TRIM21: variants seen among roughly 807,000 people sequenced by gnomAD.
TRIM21 encodes the protein tripartite motif containing 21.
Under a neutral mutation model 36.1 loss-of-function variants are expected in TRIM21, and 35 were observed. That is an observed-to-expected ratio of 0.97 (90% CI 0.74 to 1.28). TRIM21 has a LOEUF of 1.28. TRIM21 is among the 50% of genes most tolerant of loss of function. TRIM21 has a pLI of 0.00. For missense variants in TRIM21, 635 were observed against 570.7 expected (o/e 1.11, Z -1.15); for synonymous variants, 256 against 211.5 (o/e 1.21, Z -1.83).
At chr11:4,386,302 C>T in intron 5 of TRIM21, 45 bp from the exon 6 acceptor site, 1 of 1,459,978 alleles carries the variant, frequency 6.8e-7, no homozygotes, top group Non-Finnish European at 9.6e-7. Context: ...ACTCCTATCC[C>T]AAACCCTAAC....
rs905622222 is a variant in TRIM21 at position 4,389,725 on chromosome 11, C to T, written c.433G>A (p.Glu145Lys). Residue 145 changes from glutamate to lysine, a missense_variant, in exon 3 of 7, where the codon GAA becomes AAA. Transcript: ENST00000254436. ...GCCAACTCCTGCTTTCTTCTCAGTTCCCCTAATGCCACCTGGAGCTTCTCC... is the reference window on the plus strand; with the variant it reads ...GCCAACTCCTGCTTTCTTCTCAGTTTCCCTAATGCCACCTGGAGCTTCTCC... ...YQEKLQVALG[E>K]LRRKQELAEK... 5.0e-6 allele frequency: 8 copies of T among 1,613,976 alleles called. No homozygotes were observed. Among genetic ancestry groups the T allele is most frequent in the Non-Finnish European group, 6.8e-6 (8 of 1,179,876 alleles).
intron 5 of TRIM21, among the ~76,000 whole-genome samples, chr11:4,386,698 GA>G (rs1470156551): frequency 2.0e-5 from 3 of 152,120 alleles, no homozygotes; most frequent in African/African-American, 7.2e-5. Flanking sequence ...TGAATTCCGG[GA>G]AGACCCAGAA....
chr11:4,385,126 A>G lies in TRIM21; in HGVS notation c.*159T>C. On this transcript the variant is annotated 3_prime_UTR_variant, in exon 7 of 7. Transcript: ENST00000254436. The stretch of plus-strand genomic sequence containing the variant: ...AATCACAAAGCCATCTGGGGCAGGA[A>G]TGTTGATGGTGAAGTGACTTCCCTG... The G allele has an allele frequency of 3.1e-6, 2 of 649,060 alleles. No homozygotes were observed. The highest frequency in any genetic ancestry group is 3.2e-5 in the Admixed American group (1 of 31,520). 40.2% of individuals were successfully genotyped at this position (649,060 alleles called of 1,614,324 possible). A position where few individuals can be genotyped will look rare whatever the true frequency, so the allele number is the denominator to read the frequency against.
intron 4 of TRIM21, among the ~76,000 whole-genome samples, chr11:4,387,545 T>A (rs1289022635): frequency 1.3e-5 from 2 of 152,074 alleles, no homozygotes; most frequent in African/African-American, 2.4e-5. Context: ...CTAGACTCAG[T>A]CAAAAGTGTG....
chr11:4,388,059 A>G (rs1335306089), intron 4 of TRIM21, among the ~76,000 whole-genome samples: 1 of 152,226 alleles, frequency 6.6e-6, no homozygotes, highest in African/African-American at 2.4e-5. Context: ...TGAGGCAAAC[A>G]TATCATTGGT....
chr11:4,385,239 G>C lies in TRIM21; in HGVS notation c.*46C>G. 3.9e-6 allele frequency: 6 copies of C among 1,543,494 alleles called. No individual in the cohort carries two copies. Among genetic ancestry groups the C allele is most frequent in the Non-Finnish European group, 5.3e-6 (6 of 1,139,502 alleles). ...GGGAAAAGAGGCAGGGTTTGTGGCT[G>C]AGAAGCGGTGCCAATGGGGAGAGTG... On this transcript the variant is annotated 3_prime_UTR_variant, in exon 7 of 7. Transcript: ENST00000254436.
chr11:4,390,429 C>G lies in TRIM21; in HGVS notation c.-20G>C, dbSNP rs1200388861. On this transcript the variant is annotated 5_prime_UTR_variant, in exon 2 of 7. Coordinates refer to ENST00000254436, the MANE Select transcript of TRIM21 (RefSeq NM_003141.4). ...AGCCATTGTCAAGTGTGCCGTTAAA[C>G]AGCAGTGTGGAGACCTTTAGGGGGT... 5 of 1,592,428 alleles carry G rather than the reference C, an allele frequency of 3.1e-6. No homozygotes were observed. Among genetic ancestry groups the G allele is most frequent in the Non-Finnish European group, 4.3e-6 (5 of 1,165,400 alleles).
At position 4,385,632 on chromosome 11, in the gene TRIM21, C is replaced by A; in HGVS notation, c.1081G>T (p.Asp361Tyr). Residue 361 changes from aspartate to tyrosine, a missense_variant, in exon 7 of 7, where the codon GAC becomes TAC. Coordinates refer to ENST00000254436, the MANE Select transcript of TRIM21 (RefSeq NM_003141.4). Reference protein sequence around the residue: ...KEAWDLGVCRDSVRRKGHFLL... With the variant: ...KEAWDLGVCRYSVRRKGHFLL... ...AAGTGCCCCTTCCTGCGCACAGAGT[C>A]TCTGCAGACACCCAGGTCCCAGGCC... is the stretch of plus-strand genomic sequence containing the variant. 6.2e-7 allele frequency: 1 copy of A among 1,612,874 alleles called. No homozygotes were observed. Among genetic ancestry groups the A allele is most frequent in the East Asian group, 2.2e-5 (1 of 44,848 alleles).
rs1424485585 is a variant in TRIM21 at position 4,385,125 on chromosome 11, A to G, written c.*160T>C. ...GAATCACAAAGCCATCTGGGGCAGG[A>G]ATGTTGATGGTGAAGTGACTTCCCT... is the stretch of plus-strand genomic sequence containing the variant. On this transcript the variant is annotated 3_prime_UTR_variant, in exon 7 of 7. Transcript: ENST00000254436. 6.2e-6 allele frequency: 4 copies of G among 646,424 alleles called. No individual in the cohort carries two copies. The African/African-American group carries it at 7.3e-5, about 12-fold the overall frequency. 40.0% of individuals were successfully genotyped at this position (646,424 alleles called of 1,614,324 possible). A position where few individuals can be genotyped will look rare whatever the true frequency, so the allele number is the denominator to read the frequency against.
Position 4,390,435 on chromosome 11 carries a change from T to C in TRIM21, c.-26A>G. ...TGTCAAGTGTGCCGTTAAACAGCAG[T>C]GTGGAGACCTTTAGGGGGTTTGGCT... On this transcript the variant is annotated 5_prime_UTR_variant, in exon 2 of 7. Coordinates refer to ENST00000254436, the MANE Select transcript of TRIM21 (RefSeq NM_003141.4). The C allele has an allele frequency of 3.2e-6, 5 of 1,585,882 alleles. No individual in the cohort carries two copies. Among genetic ancestry groups the C allele is most frequent in the Non-Finnish European group, 8.6e-7 (1 of 1,161,632 alleles).
In TRIM21 at chr11:4,385,660, C is replaced by A; in HGVS notation, c.1053G>T (p.Lys351Asn). 1 of 1,613,258 alleles carries A rather than the reference C, an allele frequency of 6.2e-7. No homozygotes were observed. Among genetic ancestry groups the A allele is most frequent in the Non-Finnish European group, 8.5e-7 (1 of 1,179,618 alleles). ...KHYWEVDVTG[K>N]EAWDLGVCRD... The stretch of plus-strand genomic sequence containing the variant: ...TGCAGACACCCAGGTCCCAGGCCTC[C>A]TTTCCTGTCACATCTACCTCCCAGT... The change falls in exon 7 of 7, where the codon AAG (lysine) becomes AAT (asparagine). Residue 351 changes from lysine to asparagine, a missense_variant. By Grantham distance (94) the Lys-to-Asn change is moderately conservative (BLOSUM62 0). Transcript: ENST00000254436.
Position 4,388,293 on chromosome 11 carries a change from G to T in TRIM21, c.735+7C>A, listed in dbSNP as rs752020854. The T allele has an allele frequency of 1.2e-6, 2 of 1,603,882 alleles. No individual in the cohort carries two copies. Among genetic ancestry groups the T allele is most frequent in the East Asian group, 4.5e-5 (2 of 44,632 alleles). On this transcript the variant is annotated splice_region_variant and intron_variant, in intron 4 of 6. Coordinates refer to ENST00000254436, the MANE Select transcript of TRIM21 (RefSeq NM_003141.4). ...GAATTGTAGAAGGAAACCCCTCCCTGTCTCACCTGCAGCAGTTCCAGTGCT... is the reference window on the plus strand; with the variant it reads ...GAATTGTAGAAGGAAACCCCTCCCTTTCTCACCTGCAGCAGTTCCAGTGCT...
At position 4,386,956 on chromosome 11, in the gene TRIM21, ACTC is replaced by A; in HGVS notation, c.758+9_758+11del. 6.3e-7 allele frequency: 1 copy of A among 1,581,526 alleles called. No individual in the cohort carries two copies. The highest frequency in any genetic ancestry group is 8.6e-7 in the Non-Finnish European group (1 of 1,162,354). ...GCTGGCCCCTCTTCTAACAAAGAAA[ACTC>A]CTCCTTACCTTTCCAGGACAATTAT... On this transcript the variant is annotated intron_variant, in intron 5 of 6. Transcript: ENST00000254436.
chr11:4,385,380 AG>A lies in TRIM21; in HGVS notation c.1332del (p.Phe445SerfsTer16). ...SECAFTGPLR[P>X]FFSPGFNDGG... ...CCATCATTGAAACCAGGACTGAAGA[AG>A]GGCCGCAGAGGTCCTGTAAAGGCAC... On this transcript the variant is annotated frameshift_variant, in exon 7 of 7. Transcript: ENST00000254436. LOFTEE classifies it low-confidence loss of function (END_TRUNC). 6.2e-7 allele frequency: 1 copy of A among 1,613,824 alleles called. No individual in the cohort carries two copies. The highest frequency in any genetic ancestry group is 8.5e-7 in the Non-Finnish European group (1 of 1,179,860).
rs755084656 is a variant in TRIM21, at chr11:4,388,414, C to G, written c.621G>C (p.Gln207His). ...LQELEKDERE[Q>H]LRILGEKEAK... ...CCTCTTTCTCCCCCAGGATTCTCAGCTGCTCCCTCTCATCCTTCTCCAGCT... is the reference window on the plus strand; with the variant it reads ...CCTCTTTCTCCCCCAGGATTCTCAGGTGCTCCCTCTCATCCTTCTCCAGCT... Residue 207 changes from glutamine (Q) to histidine (H), a missense_variant, in exon 4 of 7, where the codon CAG becomes CAC. By Grantham distance (24) the Gln-to-His change is conservative. Transcript: ENST00000254436. The G allele has an allele frequency of 2.2e-5, 35 of 1,613,860 alleles. No homozygotes were observed. Among genetic ancestry groups the G allele is most frequent in the Non-Finnish European group, 1.5e-5 (18 of 1,179,918 alleles).
intron 5 of TRIM21, 144 bp downstream of exon 5, chr11:4,386,824 A>G: frequency 1.2e-6 from 1 of 814,730 alleles, no homozygotes; most frequent in South Asian, 1.9e-5. Flanking sequence ...AGACCAGAAA[A>G]TATTTTATAG....
intron 3 of TRIM21, 59 bp downstream of exon 3, chr11:4,389,595 G>A: frequency 7.0e-7 from 1 of 1,432,162 alleles, no homozygotes; most frequent in Non-Finnish European, 9.9e-7. Context: ...TGTGAGTTGA[G>A]GACTCTGGAC....
At chr11:4,385,914 T>G in intron 6 of TRIM21, 61 bp from the exon 7 acceptor site, 1 of 1,382,702 alleles carries the variant, frequency 7.2e-7, no homozygotes, top group Non-Finnish European at 9.8e-7. Flanking sequence ...TCTGTGCCTG[T>G]GGTGGGGGGA....
At chr11:4,390,756 C>G (rs1187186150) in intron 1 of TRIM21, among the ~76,000 whole-genome samples, 1 of 151,972 alleles carries the variant, frequency 6.6e-6, no homozygotes, top group African/African-American at 2.4e-5. Context: ...AATAAAGAAC[C>G]CAGAAACAAA....
Sources: allele counts gnomAD v4.1 joint callset (sites outside exome capture counted in the v4.1 genomes callset), GRCh38; gene constraint gnomAD v4.1.1; transcripts MANE v1.5; gene names NCBI Gene and HGNC (gene_info 2026-07-23, HGNC 2026-07-21).